KRT27: variants seen among roughly 807,000 people sequenced by gnomAD.
The protein encoded by KRT27 is keratin 27, also known as keratin, type I cytoskeletal 27.
A neutral mutation model predicts 45.3 loss-of-function variants in KRT27; 30 were observed. That is an observed-to-expected ratio of 0.66 (90% CI 0.50 to 0.90). KRT27 has a LOEUF of 0.90. KRT27 is among the 40% of genes least tolerant of loss of function. The pLI is 0.00. For missense variants in KRT27, 610 were observed against 564.3 expected (o/e 1.08, Z -0.82); for synonymous variants, 204 against 223.9 (o/e 0.91, Z 0.79).
chr17:40,782,309 A>G lies in KRT27; in HGVS notation c.185T>C (p.Leu62Pro). Residue 62 changes from leucine (L) to proline (P), a missense_variant, in exon 1 of 8, where the codon CTG becomes CCG. By Grantham distance (98) the Leu-to-Pro change is moderately conservative (BLOSUM62 -3). Transcript: ENST00000301656. ...AGCACAGGAAGCACTTCCCCCGCCC[A>G]GACCTCCGCCATAGCCTCCTGCAGA... Reference protein sequence around the residue: ...SSSAGGYGGGLGGGSASCAAF... With the variant: ...SSSAGGYGGGPGGGSASCAAF... 6.2e-7 allele frequency: 1 copy of G among 1,614,024 alleles called. No individual in the cohort carries two copies. Among genetic ancestry groups the G allele is most frequent in the Non-Finnish European group, 8.5e-7 (1 of 1,179,972 alleles).
chr17:40,781,164 C>T (rs745694366), intron 2 of KRT27, 24 bp downstream of exon 2: 2 of 1,496,124 alleles, frequency 1.3e-6, no homozygotes, highest in Non-Finnish European at 1.8e-6. Flanking sequence ...CTTTTTTTTC[C>T]CATTTATCTT....
chr17:40,780,665 G>A (rs549727603), intron 2 of KRT27, among the ~76,000 whole-genome samples: 4 of 152,008 alleles, frequency 2.6e-5, no homozygotes, highest in Non-Finnish European at 5.9e-5. Flanking sequence ...TCGAGATCAC[G>A]GTGAAACCCC....
At chr17:40,777,226 T>C (rs1322157292) in intron 7 of KRT27, 27 bp downstream of exon 7, 1 of 1,613,068 alleles carries the variant, frequency 6.2e-7, no homozygotes, top group South Asian at 1.1e-5. Context: ...AAATAAACAC[T>C]GAATGCCTAA....
chr17:40,781,005 C>T (rs895900913), intron 2 of KRT27, among the ~76,000 whole-genome samples, 183 bp downstream of exon 2: 1 of 152,084 alleles, frequency 6.6e-6, no homozygotes, highest in Non-Finnish European at 1.5e-5. Context: ...TTGTTAGTCC[C>T]GAAATTTCCC....
At position 40,780,280 on chromosome 17, in the gene KRT27, C is replaced by A. The variant is rs761531616; in HGVS notation, c.684+20G>T. On this transcript the variant is annotated intron_variant, in intron 3 of 7. Coordinates refer to ENST00000301656, the MANE Select transcript of KRT27 (RefSeq NM_181537.4). Reference sequence around the variant, plus strand: ...TTGGTAGGGAGGCGATTGTGAGAGCCAGCCGGGTGGAGCTTCTACCTCCTC... The same window carrying A: ...TTGGTAGGGAGGCGATTGTGAGAGCAAGCCGGGTGGAGCTTCTACCTCCTC... The A allele has an allele frequency of 7.4e-5, 116 of 1,576,462 alleles. No homozygotes were observed. Among genetic ancestry groups the A allele is most frequent in the Non-Finnish European group, 9.6e-5 (111 of 1,161,372 alleles).
Position 40,779,614 on chromosome 17 carries a change from T to A in KRT27, c.860A>T (p.Gln287Leu). 6.2e-7 allele frequency: 1 copy of A among 1,614,240 alleles called. No individual in the cohort carries two copies. The highest frequency in any genetic ancestry group is 8.5e-7 in the Non-Finnish European group (1 of 1,180,034). Reference protein sequence around the residue: ...AWFNEKSASLQQQISDDAGAT... With the variant: ...AWFNEKSASLLQQISDDAGAT... ...GCCAGCGTCGTCAGAGATCTGCTGC[T>A]GCAGCGAGGCGCTCTGGAACGGCAG... is the stretch of plus-strand genomic sequence containing the variant. The change falls in exon 5 of 8, where the codon CAG (glutamine) becomes CTG (leucine). Residue 287 changes from glutamine (Q) to leucine (L), a missense_variant. Coordinates refer to ENST00000301656, the MANE Select transcript of KRT27 (RefSeq NM_181537.4).
intron 2 of KRT27, 63 bp from the exon 3 acceptor site, chr17:40,780,519 C>A: frequency 7.0e-7 from 1 of 1,432,216 alleles, no homozygotes; most frequent in Admixed American, 1.9e-5. Flanking sequence ...CTTTTTAGAT[C>A]ATCATACAAC....
chr17:40,777,988 A>G (rs1002508337), intron 5 of KRT27: 1 of 483,362 alleles, frequency 2.1e-6, no homozygotes, highest in African/African-American at 1.9e-5. Context: ...TTGTCTCTTC[A>G]TAGGGCACAG....
rs2144157335 is a variant in KRT27 at position 40,777,694 on chromosome 17, A to G, written c.1011T>C (p.Ser337=). ...SLECSLTETE[S]NYCAQLAQIQ... ...TCTGTGCCAGCTGTGCACAGTAGTTACTCTCGGTCTCTGTCAAGGAGCACT... is the reference window on the plus strand; with the variant it reads ...TCTGTGCCAGCTGTGCACAGTAGTTGCTCTCGGTCTCTGTCAAGGAGCACT... Residue 337 remains serine (S), a synonymous_variant, in exon 6 of 8, where the codon AGT becomes AGC. Coordinates refer to ENST00000301656, the MANE Select transcript of KRT27 (RefSeq NM_181537.4). 6.2e-7 allele frequency: 1 copy of G among 1,613,366 alleles called. No individual in the cohort carries two copies.
Position 40,777,503 on chromosome 17 carries a change from G to C in KRT27, c.1190+12C>G. On this transcript the variant is annotated intron_variant, in intron 6 of 7. Coordinates refer to ENST00000301656, the MANE Select transcript of KRT27 (RefSeq NM_181537.4). ...AAAAATGAATTGTTTTCTCAATGGC[G>C]GCAATACTGACCCATCTTCTCCATC... is the stretch of plus-strand genomic sequence containing the variant. 1 of 1,612,710 alleles carries C rather than the reference G, an allele frequency of 6.2e-7. No individual in the cohort carries two copies. Among genetic ancestry groups the C allele is most frequent in the Non-Finnish European group, 8.5e-7 (1 of 1,178,828 alleles).
Position 40,780,265 on chromosome 17 carries a change from G to A in KRT27, c.684+35C>T. On this transcript the variant is annotated intron_variant, in intron 3 of 7. Coordinates refer to ENST00000301656, the MANE Select transcript of KRT27 (RefSeq NM_181537.4). ...AATTAGTTTTAAAATTTGGTAGGGA[G>A]GCGATTGTGAGAGCCAGCCGGGTGG... 2.6e-6 allele frequency: 4 copies of A among 1,561,564 alleles called. 1 individual carries two copies. In the South Asian group the frequency reaches 3.5e-5, roughly 14 times the overall value.
intron 3 of KRT27, 33 bp downstream of exon 3, chr17:40,780,267 C>A (rs774117485): frequency 6.4e-7 from 1 of 1,560,818 alleles, no homozygotes; most frequent in Non-Finnish European, 8.7e-7. Context: ...GGTAGGGAGG[C>A]GATTGTGAGA....
At position 40,777,020 on chromosome 17, in the gene KRT27, A is replaced by G. The variant is rs1424368375; in HGVS notation, c.1359T>C (p.Asn453=). Residue 453 remains asparagine, a synonymous_variant, in exon 8 of 8, where the codon AAT becomes AAC. Transcript: ENST00000301656. ...GAGTTCAGGAAGACACCCTCTGTTCATTCTTGTTGTTGACTTTGGTGGATT... is the reference window on the plus strand; with the variant it reads ...GAGTTCAGGAAGACACCCTCTGTTCGTTCTTGTTGTTGACTTTGGTGGATT... ...EEKSTKVNNK[N]EQRVSS is the part of the protein sequence containing the mutation. 1 of 1,613,152 alleles carries G rather than the reference A, an allele frequency of 6.2e-7. No homozygotes were observed. Among genetic ancestry groups the G allele is most frequent in the Non-Finnish European group, 8.5e-7 (1 of 1,179,294 alleles).
Position 40,779,596 on chromosome 17 carries a change from T to C in KRT27, c.878A>G (p.Asp293Gly). 1 of 1,614,224 alleles carries C rather than the reference T, an allele frequency of 6.2e-7. No individual in the cohort carries two copies. The highest frequency in any genetic ancestry group is 8.5e-7 in the Non-Finnish European group (1 of 1,180,016). ...CCGGGCTGAGGTGGTGGCGCCAGCG[T>C]CGTCAGAGATCTGCTGCTGCAGCGA... ...SASLQQQISD[D>G]AGATTSARNE... The change falls in exon 5 of 8, where the codon GAC becomes GGC. Residue 293 changes from aspartate to glycine, a missense_variant. Transcript: ENST00000301656.
chr17:40,780,195 G>C, intron 3 of KRT27, 105 bp downstream of exon 3: 1 of 1,141,974 alleles, frequency 8.8e-7, no homozygotes, highest in Non-Finnish European at 1.2e-6. Context: ...AAACTGACAG[G>C]TTCCTTCTTG....
Position 40,782,253 on chromosome 17 carries a change from A to G in KRT27, c.241T>C (p.Ser81Pro). ...AFTGNEHGLL[S>P]GNEKVTMQNL... Reference sequence around the variant, plus strand: ...TGCATGGTCACCTTCTCATTGCCAGAGAGGAGGCCGTGCTCATTCCCTGTG... The same window carrying G: ...TGCATGGTCACCTTCTCATTGCCAGGGAGGAGGCCGTGCTCATTCCCTGTG... The change falls in exon 1 of 8, where the codon TCT (serine) becomes CCT (proline). Residue 81 changes from serine (S) to proline (P), a missense_variant. Ser to Pro is a moderately conservative substitution (Grantham distance 74). Coordinates refer to ENST00000301656, the MANE Select transcript of KRT27 (RefSeq NM_181537.4). The G allele has an allele frequency of 6.2e-7, 1 of 1,614,210 alleles. No homozygotes were observed. The highest frequency in any genetic ancestry group is 8.5e-7 in the Non-Finnish European group (1 of 1,180,038).
intron 5 of KRT27, 51 bp downstream of exon 5, chr17:40,779,451 T>A: frequency 6.4e-7 from 1 of 1,562,236 alleles, no homozygotes; most frequent in East Asian, 2.3e-5. Context: ...TCTCTTCGAT[T>A]ATTTTTTTCT....
chr17:40,781,127 A>G (rs559596532), intron 2 of KRT27, 61 bp downstream of exon 2: 113 of 991,310 alleles, frequency 1.1e-4, no homozygotes, highest in Admixed American at 1.8e-4. Context: ...AACTTAGAAG[A>G]ATAAAGGAGA....
intron 2 of KRT27, among the ~76,000 whole-genome samples, chr17:40,780,886 A>G (rs1435946332): frequency 6.6e-6 from 1 of 152,104 alleles, no homozygotes; most frequent in African/African-American, 2.4e-5. Flanking sequence ...TTAATTAATT[A>G]AAAAAACACA....
Sources: gnomAD v4.1 joint callset for allele counts (sites outside exome capture counted in the v4.1 genomes callset) on GRCh38, gnomAD v4.1.1 for gene constraint, MANE v1.5 for transcripts, NCBI Gene and HGNC (gene_info 2026-07-23, HGNC 2026-07-21) for gene names.